Variants in EFR3A observed in about 807,000 individuals in gnomAD.
The protein encoded by EFR3A is protein EFR3 homolog A.
A neutral mutation model predicts 104.4 loss-of-function variants in EFR3A; 76 were observed. That is an observed-to-expected ratio of 0.73 (90% CI 0.60 to 0.88). The LOEUF is 0.88. Among genes scored for constraint, EFR3A ranks in the 40% least tolerant of loss-of-function variants. The pLI is 0.00. For synonymous variants in EFR3A, 330 were observed against 330.0 expected, an observed-to-expected ratio of 1.00 and a Z score of 0.00; for missense variants, 985 against 1,012.5, an observed-to-expected ratio of 0.97 and a Z score of 0.37.
At chr8:132,005,179 C>G (rs983833075) in intron 22 of EFR3A, among the ~76,000 whole-genome samples, 2 of 152,142 alleles carry the variant, frequency 1.3e-5, no homozygotes, top group African/African-American at 4.8e-5. Context: ...GTAACTTATA[C>G]AGGGTCACCT....
At position 131,931,032 on chromosome 8, in the gene EFR3A, A is replaced by C. The variant is rs2130499516; in HGVS notation, c.11-9467A>C. ...TACAAGGGGAGTGGTTCTCTAGAGCAATGGCTCCCGAATGAACGTGGGTGT... is the reference window on the plus strand; with the variant it reads ...TACAAGGGGAGTGGTTCTCTAGAGCCATGGCTCCCGAATGAACGTGGGTGT... On this transcript the variant is annotated intron_variant, in intron 1 of 22. Coordinates refer to ENST00000254624, the MANE Select transcript of EFR3A (RefSeq NM_015137.6). 2.6e-5 allele frequency among the ~76,000 whole-genome samples: 4 copies of C among 152,226 alleles called. 1 individual carries two copies. The East Asian group carries it at 7.7e-4, about 29-fold the overall frequency.
At chr8:131,943,691 C>G (rs905478724) in intron 2 of EFR3A, among the ~76,000 whole-genome samples, 6 of 152,014 alleles carry the variant, frequency 3.9e-5, no homozygotes, top group African/African-American at 1.4e-4. Context: ...CCTCTACCTA[C>G]TAGATCCCAG....
chr8:131,971,503 A>G (rs1175713764), intron 10 of EFR3A, among the ~76,000 whole-genome samples: 1 of 152,016 alleles, frequency 6.6e-6, no homozygotes, highest in Non-Finnish European at 1.5e-5. Flanking sequence ...CCTAGCTAAC[A>G]CGGTGAAACC....
chr8:132,011,006 G>A lies in EFR3A; in HGVS notation c.*111G>A. ...TAACATACTTCTTGAAAATAATGAT[G>A]GAACATATCTTTAACCAAATGTTTG... On this transcript the variant is annotated 3_prime_UTR_variant, in exon 23 of 23. Transcript: ENST00000254624. The A allele has an allele frequency of 7.6e-7, 1 of 1,319,562 alleles. No individual in the cohort carries two copies. Among genetic ancestry groups the A allele is most frequent in the Non-Finnish European group, 9.8e-7 (1 of 1,021,762 alleles). The allele number at this position is 1,319,562 out of a possible 1,614,324, so 81.7% of individuals were successfully genotyped here. A position where few individuals can be genotyped will look rare whatever the true frequency, so the allele number is the denominator to read the frequency against.
chr8:131,946,816 T>A (rs1563651771), intron 4 of EFR3A, among the ~76,000 whole-genome samples, 183 bp downstream of exon 4: 1 of 152,100 alleles, frequency 6.6e-6, no homozygotes, highest in Non-Finnish European at 1.5e-5. Context: ...TTGTGAAATC[T>A]GTGGTATTAA....
At chr8:131,919,176 T>C (rs1016602495) in intron 1 of EFR3A, among the ~76,000 whole-genome samples, 2 of 152,034 alleles carry the variant, frequency 1.3e-5, no homozygotes, top group Non-Finnish European at 2.9e-5. Context: ...TTTTGGACAA[T>C]AGGCTAGTAG....
chr8:131,976,748 T>C (rs1019403661), intron 11 of EFR3A, among the ~76,000 whole-genome samples: 1 of 152,142 alleles, frequency 6.6e-6, no homozygotes, highest in African/African-American at 2.4e-5. Context: ...CAATTTAAGG[T>C]ACCTTAATTT....
chr8:131,946,663 A>G (rs1563651675), intron 4 of EFR3A, 30 bp downstream of exon 4: 1 of 1,500,572 alleles, frequency 6.7e-7, no homozygotes, highest in Middle Eastern at 1.8e-4. Flanking sequence ...TACTAAATGT[A>G]TGCTTAATTA....
intron 1 of EFR3A, among the ~76,000 whole-genome samples, chr8:131,913,830 G>A (rs1816633140): frequency 6.6e-6 from 1 of 152,172 alleles, no homozygotes; most frequent in Non-Finnish European, 1.5e-5. Flanking sequence ...CAAGGTTGGC[G>A]TTGTCATTTC....
chr8:131,937,758 CTGTGATATGCTCATCCCCCTCTTTT>C (rs1817974628), intron 1 of EFR3A, among the ~76,000 whole-genome samples: 1 of 149,470 alleles, frequency 6.7e-6, no homozygotes, highest in South Asian at 2.1e-4. Context: ...TGGAGACTTT[CTGTGATATGCTCATCCCCCTCTTTT>C]TTTTTTTTTT....
intron 21 of EFR3A, among the ~76,000 whole-genome samples, chr8:132,003,035 G>T (rs1028666556): frequency 6.6e-6 from 1 of 151,880 alleles, no homozygotes; most frequent in Admixed American, 6.6e-5. Context: ...ACATTGAGAC[G>T]AGGAAAGGGA....
At chr8:131,980,191 C>G (rs80015927) in intron 14 of EFR3A, among the ~76,000 whole-genome samples, 3,101 of 152,022 alleles carry the variant, frequency 0.02, 46 homozygotes, top group South Asian at 0.043. Flanking sequence ...GTGTAGAGAC[C>G]CGTAATCCAT....
In EFR3A at chr8:131,970,540, A is replaced by G; in HGVS notation, c.1056A>G (p.Glu352=). 6.2e-7 allele frequency: 1 copy of G among 1,613,914 alleles called. No individual in the cohort carries two copies. Among genetic ancestry groups the G allele is most frequent in the Non-Finnish European group, 8.5e-7 (1 of 1,179,818 alleles). Residue 352 remains glutamate (E), a synonymous_variant, in exon 10 of 23, where the codon GAA becomes GAG. Transcript: ENST00000254624. ...LKHLRLSVEF[E]ANDLQGGSVG... is the part of the protein sequence containing the mutation. ...ATCTGCGTCTCAGCGTTGAATTCGA[A>G]GCAAATGATTTACAGGGGGGATCTG...
At chr8:131,962,276 A>G (rs1414631341) in intron 8 of EFR3A, among the ~76,000 whole-genome samples, 3 of 152,350 alleles carry the variant, frequency 2.0e-5, no homozygotes, top group Middle Eastern at 3.4e-3. Context: ...AATTGGATTA[A>G]GAGTCAAGAC....
intron 2 of EFR3A, among the ~76,000 whole-genome samples, chr8:131,940,900 A>C (rs1305894487): frequency 6.6e-6 from 1 of 152,090 alleles, no homozygotes; most frequent in African/African-American, 2.4e-5. Context: ...ATTTAAACTA[A>C]GTGCTCATGA....
rs569701437 is a variant in EFR3A at position 131,930,950 on chromosome 8, C to T, written c.11-9549C>T. ...CATAACTTAGGTAAGGACAGTTTCC[C>T]GAATACCTGAAGTACACAATAAGAA... is the stretch of plus-strand genomic sequence containing the variant. On this transcript the variant is annotated intron_variant, in intron 1 of 22. Transcript: ENST00000254624. 1.8e-4 allele frequency among the ~76,000 whole-genome samples: 28 copies of T among 152,168 alleles called. No homozygotes were observed. In the East Asian group the frequency reaches 1.9e-3, roughly 11 times the overall value.
rs897714853 is a variant in EFR3A at position 132,010,949 on chromosome 8, A to G, written c.*54A>G. The G allele has an allele frequency of 1.6e-5, 24 of 1,512,542 alleles. No individual in the cohort carries two copies. The highest frequency in any genetic ancestry group is 1.9e-5 in the Non-Finnish European group (21 of 1,112,216). The allele number at this position is 1,512,542 out of a possible 1,614,324, so 93.7% of individuals were successfully genotyped here. ...TTGTAAAGCCTAAAAATTAAGGCCAAGCTGAGCTTTCAGGGTTTACTTAAT... is the reference window on the plus strand; with the variant it reads ...TTGTAAAGCCTAAAAATTAAGGCCAGGCTGAGCTTTCAGGGTTTACTTAAT... On this transcript the variant is annotated 3_prime_UTR_variant, in exon 23 of 23. Transcript: ENST00000254624.
At chr8:131,939,568 T>C (rs1348991675) in intron 1 of EFR3A, among the ~76,000 whole-genome samples, 1 of 152,176 alleles carries the variant, frequency 6.6e-6, no homozygotes, top group Non-Finnish European at 1.5e-5. Context: ...AATTTCCCAT[T>C]CTTACAGAAA....
At position 131,964,830 on chromosome 8, in the gene EFR3A, G is replaced by A. The variant is rs183197643; in HGVS notation, c.856-3465G>A. On this transcript the variant is annotated intron_variant, in intron 8 of 22. Transcript: ENST00000254624. ...ACTTCAAATTGTACTACAAGGCTAC[G>A]GTAACCAAAACAGCATGGTACTGGT... Among the ~76,000 whole-genome samples, 340 of 152,142 alleles carry A rather than the reference G, an allele frequency of 2.2e-3. 2 individuals carry two copies. Among genetic ancestry groups the A allele is most frequent in the African/African-American group, 7.3e-3 (303 of 41,510 alleles).
Sources: gnomAD v4.1 joint callset for allele counts (sites outside exome capture counted in the v4.1 genomes callset) on GRCh38, gnomAD v4.1.1 for gene constraint, MANE v1.5 for transcripts, NCBI Gene and HGNC (gene_info 2026-07-23, HGNC 2026-07-21) for gene names.